The following MRPL20 variants were observed in gnomAD, a reference collection of about 807,000 sequenced individuals.
MRPL20 encodes the protein large ribosomal subunit protein bL20m.
Under a neutral mutation model 20.0 loss-of-function variants are expected in MRPL20, and 21 were observed. That is an observed-to-expected ratio of 1.05 (90% CI 0.74 to 1.51). The LOEUF is 1.51. Among genes scored for constraint, MRPL20 ranks in the 40% most tolerant of loss-of-function variants. MRPL20 has a pLI of 0.00. For synonymous variants in MRPL20, 104 were observed against 73.0 expected (o/e 1.43, Z -2.17); for missense variants, 252 against 185.6 (o/e 1.36, Z -2.08).
chr1:1,404,504 CTT>C (rs923907663), intron 3 of MRPL20, among the ~76,000 whole-genome samples: 10 of 142,928 alleles, frequency 7.0e-5, no homozygotes, highest in Admixed American at 1.4e-4. Context: ...TTTTTCTACA[CTT>C]TTTTTTTTTT....
chr1:1,403,970 T>G (rs1441816784), intron 3 of MRPL20, among the ~76,000 whole-genome samples: 1 of 151,924 alleles, frequency 6.6e-6, no homozygotes, highest in East Asian at 1.9e-4. Flanking sequence ...GCCTCCCGAG[T>G]AGCATACAGG....
Position 1,402,036 on chromosome 1 carries a change from ACTGCAAATTACTCTGTCTCTTTTC to A in MRPL20, c.*23_*46del, listed in dbSNP as rs773587905. On this transcript the variant is annotated 3_prime_UTR_variant, in exon 4 of 4. Transcript: ENST00000344843. Reference sequence around the variant, plus strand: ...ATAAACAAAAGTATAAATCAAACAAACTGCAAATTACTCTGTCTCTTTTCCTAATCAATACAGCAACAGTCCTCA... The same window carrying A: ...ATAAACAAAAGTATAAATCAAACAAACTAATCAATACAGCAACAGTCCTCA... 3 of 1,567,514 alleles carry A rather than the reference ACTGCAAATTACTCTGTCTCTTTTC, an allele frequency of 1.9e-6. No individual in the cohort carries two copies. The highest frequency in any genetic ancestry group is 2.6e-6 in the Non-Finnish European group (3 of 1,155,970).
At chr1:1,403,733 C>T (rs1645355631) in intron 3 of MRPL20, among the ~76,000 whole-genome samples, 1 of 152,140 alleles carries the variant, frequency 6.6e-6, no homozygotes, top group Non-Finnish European at 1.5e-5. Flanking sequence ...CAGTAATCAC[C>T]AAGATTTTGC....
intron 3 of MRPL20, chr1:1,404,979 G>C (rs1312768630): frequency 6.6e-6 from 1 of 152,390 alleles, no homozygotes; most frequent in African/African-American, 2.4e-5. Flanking sequence ...CGCCAGGTCT[G>C]ATGGGAGGGT....
chr1:1,402,355 T>G, intron 3 of MRPL20, 99 bp from the exon 4 acceptor site: 1 of 1,461,200 alleles, frequency 6.8e-7, no homozygotes, highest in Non-Finnish European at 9.0e-7. Context: ...AGCTGCACAC[T>G]CGCCTGGGGG....
rs1645336291 is a variant in MRPL20 at position 1,402,136 on chromosome 1, C to A, written c.397G>T (p.Gly133Trp). The A allele has an allele frequency of 6.2e-7, 1 of 1,614,042 alleles. No individual in the cohort carries two copies. Among genetic ancestry groups the A allele is most frequent in the African/African-American group, 1.3e-5 (1 of 74,934 alleles). Residue 133 changes from glycine (G) to tryptophan (W), a missense_variant, in exon 4 of 4, where the codon GGG (glycine) becomes TGG (tryptophan). By Grantham distance (184) the Gly-to-Trp change is radical. Coordinates refer to ENST00000344843, the MANE Select transcript of MRPL20 (RefSeq NM_017971.4). ...ATGCCTTCAGGTTCCTTCCCATCCC[C>A]CAAGGCAGCAGCAAATCCTTCGTGT... ...RRHEGFAAAL[G>W]DGKEPEGIFS...
chr1:1,404,871 T>A (rs1645368415), intron 3 of MRPL20, among the ~76,000 whole-genome samples: 1 of 152,074 alleles, frequency 6.6e-6, no homozygotes, highest in Non-Finnish European at 1.5e-5. Flanking sequence ...TGCGGTAAGC[T>A]CCCAGACCTG....
In MRPL20 at chr1:1,402,207, T is replaced by TCGTAGATGGCCAGATC; in HGVS notation, c.310_325dup (p.Glu109GlyfsTer19). On this transcript the variant is annotated frameshift_variant, in exon 4 of 4. Coordinates refer to ENST00000344843, the MANE Select transcript of MRPL20 (RefSeq NM_017971.4). LOFTEE classifies it high-confidence loss of function. ...AGCCAAAGATTTGAAAGTCTTTGGC[T>TCGTAGATGGCCAGATC]CGTAGATGGCCAGATCCGCTAGGAC... is the stretch of plus-strand genomic sequence containing the variant. The TCGTAGATGGCCAGATC allele has an allele frequency of 6.2e-7, 1 of 1,614,018 alleles. No homozygotes were observed. Among genetic ancestry groups the TCGTAGATGGCCAGATC allele is most frequent in the Non-Finnish European group, 8.5e-7 (1 of 1,179,994 alleles).
intron 3 of MRPL20, chr1:1,402,739 T>C: frequency 1.6e-6 from 1 of 644,342 alleles, no homozygotes; most frequent in Non-Finnish European, 1.9e-6. Context: ...TCCCAGCACT[T>C]TGGGAGGCCA....
At chr1:1,406,845 C>T in intron 2 of MRPL20, 64 bp downstream of exon 2, 2 of 1,422,330 alleles carry the variant, frequency 1.4e-6, no homozygotes, top group Non-Finnish European at 2.0e-6. Context: ...CTAGCTGGGT[C>T]GCGGCGCAGA....
intron 3 of MRPL20, chr1:1,405,515 A>G (rs778258509): frequency 1.8e-5 from 11 of 611,704 alleles, no homozygotes; most frequent in South Asian, 3.8e-5. Context: ...CCTAGGCACA[A>G]TCTCATCACT....
At chr1:1,403,521 C>T (rs373335289) in intron 3 of MRPL20, among the ~76,000 whole-genome samples, 18 of 152,136 alleles carry the variant, frequency 1.2e-4, no homozygotes, top group East Asian at 1.2e-3. Flanking sequence ...GGATTACAGG[C>T]GTGAGCCACC....
At position 1,406,918 on chromosome 1, in the gene MRPL20, GTTCT is replaced by G. The variant is rs1240565298; in HGVS notation, c.185_188del (p.Lys62ThrfsTer2). 1.2e-6 allele frequency: 2 copies of G among 1,612,974 alleles called. No individual in the cohort carries two copies. Among genetic ancestry groups the G allele is most frequent in the African/African-American group, 2.7e-5 (2 of 74,902 alleles). On this transcript the variant is annotated frameshift_variant, in exon 2 of 4. Transcript: ENST00000344843. LOFTEE classifies it high-confidence loss of function. ...CCGGGTCCACGCTTACGGTCCTCATGTTCTTTTTCTTCAGGTATCGGGCTTTGGT... is the reference window on the plus strand; with the variant it reads ...CCGGGTCCACGCTTACGGTCCTCATGTTTTCTTCAGGTATCGGGCTTTGGT...
At chr1:1,403,245 CTTT>C (rs1645349883) in intron 3 of MRPL20, among the ~76,000 whole-genome samples, 2 of 109,392 alleles carry the variant, frequency 1.8e-5, no homozygotes, top group African/African-American at 1.1e-4. Flanking sequence ...TGTCTCCTTT[CTTT>C]CTTTCTTTTT....
intron 3 of MRPL20, 76 bp downstream of exon 3, chr1:1,405,733 G>A (rs1335067098): frequency 1.9e-6 from 3 of 1,613,276 alleles, no homozygotes; most frequent in South Asian, 1.1e-5. Flanking sequence ...GGGACTACAG[G>A]AAGCACCACC....
In MRPL20 at chr1:1,405,760, T is replaced by C; in HGVS notation, c.276+49A>G. 1.9e-6 allele frequency: 3 copies of C among 1,614,072 alleles called. No homozygotes were observed. In the South Asian group the frequency reaches 3.3e-5, roughly 18 times the overall value. ...AGCACCACCACGCCCCGCATGATGG[T>C]TTCTGCAGATGTCCAGAATTTCAGT... On this transcript the variant is annotated intron_variant, in intron 3 of 3. Coordinates refer to ENST00000344843, the MANE Select transcript of MRPL20 (RefSeq NM_017971.4).
intron 3 of MRPL20, chr1:1,402,738 T>G: frequency 1.5e-6 from 1 of 654,168 alleles, no homozygotes; most frequent in Non-Finnish European, 1.9e-6. Flanking sequence ...ATCCCAGCAC[T>G]TTGGGAGGCC....
chr1:1,405,464 A>C (rs1408806692), intron 3 of MRPL20: 14 of 595,946 alleles, frequency 2.3e-5, no homozygotes, highest in Non-Finnish European at 3.6e-5. Flanking sequence ...TTTTGTAGAG[A>C]GTGGTCTCAC....
intron 3 of MRPL20, 181 bp from the exon 4 acceptor site, chr1:1,402,437 ATGTGGACACGGGTGAGGGAAGCACC>A (rs1645340591): frequency 3.6e-6 from 5 of 1,376,408 alleles, no homozygotes; most frequent in Non-Finnish European, 9.4e-7. Flanking sequence ...TGAAGGATAA[ATGTGGACACGGGTGAGGGAAGCACC>A]TGTGGAATCT....
Sources: gnomAD v4.1 joint callset for allele counts (sites outside exome capture counted in the v4.1 genomes callset) on GRCh38, gnomAD v4.1.1 for gene constraint, MANE v1.5 for transcripts, NCBI Gene and HGNC (gene_info 2026-07-23, HGNC 2026-07-21) for gene names.